CSGALNACT1: variants seen among roughly 807,000 people sequenced by gnomAD.
CSGALNACT1 encodes the protein chondroitin sulfate N-acetylgalactosaminyltransferase 1.
A neutral mutation model predicts 51.0 loss-of-function variants in CSGALNACT1; 52 were observed. That is an observed-to-expected ratio of 1.02 (90% CI 0.82 to 1.29). The LOEUF (loss-of-function observed/expected upper bound fraction) is 1.29, where lower values mean the gene tolerates loss of function less well. Ranked by LOEUF, CSGALNACT1 falls within the 50% of genes most tolerant of loss-of-function variation. The pLI is 0.00. For synonymous variants in CSGALNACT1, 341 were observed against 254.4 expected (o/e 1.34, Z -3.24); for missense variants, 935 against 679.2 (o/e 1.38, Z -4.19).
chr8:19,690,944 G>A (rs2061277086), intron 1 of CSGALNACT1, among the ~76,000 whole-genome samples: 1 of 152,078 alleles, frequency 6.6e-6, no homozygotes, highest in South Asian at 2.1e-4. Context: ...AATCTCCATG[G>A]CACTGGGCAC....
chr8:19,676,792 T>C (rs184936920), intron 1 of CSGALNACT1, among the ~76,000 whole-genome samples: 7 of 152,146 alleles, frequency 4.6e-5, no homozygotes, highest in African/African-American at 2.4e-5. Flanking sequence ...CCAGACAGGA[T>C]TGGAAGGATC....
At position 19,639,240 on chromosome 8, in the gene CSGALNACT1, GGA is replaced by G. The variant is rs996385357; in HGVS notation, c.-543-37377_-543-37376del. On this transcript the variant is annotated intron_variant, in intron 1 of 9. Coordinates refer to the CSGALNACT1 transcript ENST00000332246. ...CAATAACAGGCTTTATGTCCAAATGGGAGAGGAGAAAGGCACAGCATGCTTGC... is the reference window on the plus strand; with the variant it reads ...CAATAACAGGCTTTATGTCCAAATGGGAGGAGAAAGGCACAGCATGCTTGC... 7.2e-5 allele frequency among the ~76,000 whole-genome samples: 11 copies of G among 152,280 alleles called. No homozygotes were observed. The East Asian group carries it at 1.5e-3, about 21-fold the overall frequency.
At chr8:19,488,639 G>A (rs1021169269) in intron 4 of CSGALNACT1, among the ~76,000 whole-genome samples, 1 of 151,794 alleles carries the variant, frequency 6.6e-6, no homozygotes, top group Admixed American at 6.6e-5. Context: ...AATGCTCTCC[G>A]CAAATTTCCA....
At chr8:19,617,429 G>A (rs1228753300) in intron 1 of CSGALNACT1, among the ~76,000 whole-genome samples, 2 of 152,124 alleles carry the variant, frequency 1.3e-5, no homozygotes, top group Non-Finnish European at 2.9e-5. Context: ...TTACAGCAAT[G>A]CAAGAACACC....
intron 5 of CSGALNACT1, among the ~76,000 whole-genome samples, chr8:19,451,427 T>C (rs4392915): frequency 1.3e-5 from 2 of 152,062 alleles, no homozygotes; most frequent in African/African-American, 4.8e-5. Flanking sequence ...ACACAAATAC[T>C]TTTTGAGAGT....
chr8:19,442,107 T>C (rs2061413556), intron 5 of CSGALNACT1, among the ~76,000 whole-genome samples: 1 of 152,214 alleles, frequency 6.6e-6, no homozygotes, highest in South Asian at 2.1e-4. Flanking sequence ...GGAACACTTT[T>C]TACACTGTTG....
chr8:19,705,630 G>C (rs561110818), intron 1 of CSGALNACT1, among the ~76,000 whole-genome samples: 6 of 152,026 alleles, frequency 3.9e-5, no homozygotes, highest in Non-Finnish European at 1.5e-5. Flanking sequence ...CCAACTACTC[G>C]GAAGCCTGAG....
chr8:19,667,365 G>A (rs1293723858), intron 1 of CSGALNACT1, among the ~76,000 whole-genome samples: 1 of 152,126 alleles, frequency 6.6e-6, no homozygotes. Context: ...GAGCCCAGGA[G>A]GTTGAGGCTG....
intron 1 of CSGALNACT1, among the ~76,000 whole-genome samples, chr8:19,742,837 C>G (rs1012991206): frequency 6.6e-6 from 1 of 152,196 alleles, no homozygotes; most frequent in Non-Finnish European, 1.5e-5. Context: ...CTCCACTGTA[C>G]TGTAGAAAAT....
chr8:19,404,587 C>A (rs2053782991), exon 10 of CSGALNACT1: 1 of 442,876 alleles, frequency 2.3e-6, no homozygotes, highest in African/African-American at 2.1e-5. Context: ...TAGATTCTGG[C>A]AGATGGATTG....
Position 19,612,598 on chromosome 8 carries a change from C to T in CSGALNACT1, c.-543-10733G>A, listed in dbSNP as rs544324476. Among the ~76,000 whole-genome samples the T allele has an allele frequency of 4.5e-4, 68 of 152,092 alleles. 1 individual carries two copies. The highest frequency in any genetic ancestry group is 3.4e-3 in the Middle Eastern group (1 of 294). ...AACCATCTTTTTCACGTGATAAGCA[C>T]GCAAGAGTTAATTTGGGCTTTCAAG... On this transcript the variant is annotated intron_variant, in intron 1 of 9. Coordinates refer to the CSGALNACT1 transcript ENST00000332246.
chr8:19,431,808 T>A (rs943947819), intron 6 of CSGALNACT1, among the ~76,000 whole-genome samples: 2 of 112,378 alleles, frequency 1.8e-5, no homozygotes, highest in Non-Finnish European at 4.0e-5. Context: ...GGAAAGTTCT[T>A]TTTTCTTTTT....
At chr8:19,755,755 C>T (rs1225231073) in intron 1 of CSGALNACT1, among the ~76,000 whole-genome samples, 2 of 152,176 alleles carry the variant, frequency 1.3e-5, no homozygotes, top group African/African-American at 4.8e-5. Context: ...GGAGATTCTG[C>T]TTTAAAACCC....
At chr8:19,569,123 T>G (rs1444890622) in intron 3 of CSGALNACT1, among the ~76,000 whole-genome samples, 1 of 152,188 alleles carries the variant, frequency 6.6e-6, no homozygotes, top group African/African-American at 2.4e-5. Flanking sequence ...GAGACAGATA[T>G]GGAGTACACA....
At chr8:19,593,583 A>T (rs2048288837) in intron 2 of CSGALNACT1, among the ~76,000 whole-genome samples, 1 of 152,196 alleles carries the variant, frequency 6.6e-6, no homozygotes, top group South Asian at 2.1e-4. Context: ...GCTCCCATTA[A>T]TGTACAATGA....
At position 19,618,705 on chromosome 8, in the gene CSGALNACT1, A is replaced by C. The variant is rs1015326352; in HGVS notation, c.-543-16840T>G. Reference sequence around the variant, plus strand: ...AAAAAAAAGAAAAGAAAACCTTAGCAATCATGGCACCCAGCTTCTCCCTGT... The same window carrying C: ...AAAAAAAAGAAAAGAAAACCTTAGCCATCATGGCACCCAGCTTCTCCCTGT... On this transcript the variant is annotated intron_variant, in intron 1 of 9. Transcript: ENST00000332246. Among the ~76,000 whole-genome samples the C allele has an allele frequency of 1.1e-4, 17 of 151,740 alleles. 1 individual carries two copies. The highest frequency in any genetic ancestry group is 3.4e-4 in the African/African-American group (14 of 41,380).
At chr8:19,670,151 C>A (rs2059680021) in intron 1 of CSGALNACT1, among the ~76,000 whole-genome samples, 1 of 152,164 alleles carries the variant, frequency 6.6e-6, no homozygotes, top group African/African-American at 2.4e-5. Flanking sequence ...TGTAATGTGG[C>A]TTTCCTACTC....
intron 1 of CSGALNACT1, among the ~76,000 whole-genome samples, chr8:19,641,173 C>A (rs2056700949): frequency 6.8e-6 from 1 of 146,174 alleles, no homozygotes; most frequent in African/African-American, 2.5e-5. Flanking sequence ...CCCTCTCTCT[C>A]CCCTTCACTT....
intron 1 of CSGALNACT1, among the ~76,000 whole-genome samples, chr8:19,616,677 C>A (rs557939980): frequency 9.3e-5 from 14 of 151,278 alleles, no homozygotes; most frequent in African/African-American, 3.4e-4. Flanking sequence ...GTACCTCCCC[C>A]CTCATTCTCT....
Sources: allele counts gnomAD v4.1 joint callset (sites outside exome capture counted in the v4.1 genomes callset), GRCh38; gene constraint gnomAD v4.1.1; transcripts MANE v1.5; gene names NCBI Gene and HGNC (gene_info 2026-07-23, HGNC 2026-07-21).